The following XKR6 variants were observed in gnomAD, a reference collection of about 807,000 sequenced individuals.
XKR6 encodes XK related 6.
A neutral mutation model predicts 56.7 loss-of-function variants in XKR6; 22 were observed. The ratio of observed to expected loss-of-function variants is 0.39; its 90% CI spans 0.28 to 0.55. The LOEUF is 0.55. Among genes scored for constraint, XKR6 ranks in the 20% least tolerant of loss-of-function variants. The pLI, the probability that XKR6 is intolerant of heterozygous loss-of-function variation, is 0.66. For missense variants in XKR6, 852 were observed against 889.0 expected, an observed-to-expected ratio of 0.96 and a Z score of 0.53; for synonymous variants, 524 against 387.8, an observed-to-expected ratio of 1.35 and a Z score of -4.13.
intron 1 of XKR6, among the ~76,000 whole-genome samples, chr8:11,181,949 C>T (rs997632485): frequency 5.3e-5 from 8 of 152,114 alleles, no homozygotes; most frequent in Non-Finnish European, 1.2e-4. Context: ...GCCTTCCAGG[C>T]TCAAGCCACA....
intron 1 of XKR6, among the ~76,000 whole-genome samples, chr8:10,940,324 A>G (rs1330776203): frequency 6.6e-6 from 1 of 152,158 alleles, no homozygotes; most frequent in African/African-American, 2.4e-5. Context: ...AACATTCGAG[A>G]ATGCCACATA....
intron 1 of XKR6, among the ~76,000 whole-genome samples, chr8:11,158,162 A>C (rs774759056): frequency 2.6e-5 from 4 of 152,356 alleles, no homozygotes; most frequent in Non-Finnish European, 4.4e-5. Context: ...GAGTGGGGAA[A>C]GGCAATAATC....
intron 1 of XKR6, among the ~76,000 whole-genome samples, chr8:10,931,520 T>C (rs964372778): frequency 6.6e-5 from 10 of 152,178 alleles, no homozygotes; most frequent in African/African-American, 2.4e-4. Flanking sequence ...GGATTTACTA[T>C]AAAGCTACAG....
At chr8:11,012,182 T>C (rs1798515194) in intron 1 of XKR6, among the ~76,000 whole-genome samples, 1 of 152,100 alleles carries the variant, frequency 6.6e-6, no homozygotes. Context: ...GTCATTCAGG[T>C]CACAGGACCC....
chr8:11,077,769 T>C (rs548572854), intron 1 of XKR6, among the ~76,000 whole-genome samples: 2 of 152,212 alleles, frequency 1.3e-5, no homozygotes, highest in East Asian at 3.9e-4. Flanking sequence ...CTGGGCACAG[T>C]TTCTGGTCCC....
intron 1 of XKR6, among the ~76,000 whole-genome samples, chr8:10,937,778 G>A (rs1197053778): frequency 5.3e-5 from 8 of 150,040 alleles, no homozygotes; most frequent in Non-Finnish European, 7.4e-5. Context: ...CCAGCTGCGT[G>A]CTGGGAGAAC....
rs1268126923 is a variant in XKR6, at chr8:11,074,366, T to G, written c.764+126210A>C. On this transcript the variant is annotated intron_variant, in intron 1 of 2. Coordinates refer to ENST00000416569, the MANE Select transcript of XKR6 (RefSeq NM_173683.4). Reference sequence around the variant, plus strand: ...GTCACTGTGGTAAGTGTTGAGTTAGTGACACTGACGATGCACCAGCAAGAT... The same window carrying G: ...GTCACTGTGGTAAGTGTTGAGTTAGGGACACTGACGATGCACCAGCAAGAT... 3.3e-5 allele frequency among the ~76,000 whole-genome samples: 5 copies of G among 152,172 alleles called. No homozygotes were observed. In the East Asian group the frequency reaches 7.7e-4, roughly 23 times the overall value.
chr8:11,067,554 G>T (rs1800012968), intron 1 of XKR6, among the ~76,000 whole-genome samples: 1 of 152,226 alleles, frequency 6.6e-6, no homozygotes, highest in Admixed American at 6.5e-5. Context: ...CTTAGACATG[G>T]GCCAAGCGAT....
At chr8:10,979,943 C>G (rs1797690018) in intron 1 of XKR6, among the ~76,000 whole-genome samples, 1 of 152,182 alleles carries the variant, frequency 6.6e-6, no homozygotes, top group Non-Finnish European at 1.5e-5. Flanking sequence ...AGTCAACAGG[C>G]AGGGAAGGTT....
chr8:10,920,533 T>C (rs553098575), intron 2 of XKR6, among the ~76,000 whole-genome samples: 1 of 152,252 alleles, frequency 6.6e-6, no homozygotes, highest in South Asian at 2.1e-4. Context: ...CCAACAGGTC[T>C]GTTCCAAGTC....
intron 1 of XKR6, among the ~76,000 whole-genome samples, chr8:11,160,911 C>CAAAAAAAAAAAAAAAAAAAAAAAAA (rs33931830): frequency 1.6e-5 from 1 of 63,784 alleles, no homozygotes; most frequent in African/African-American, 6.5e-5. Flanking sequence ...GACTCCGTCT[C>CAAAAAAAAAAAAAAAAAAAAAAAAA]AAAAAAAAAA....
intron 1 of XKR6, among the ~76,000 whole-genome samples, chr8:10,953,760 C>T (rs147598059): frequency 2.4e-3 from 368 of 152,250 alleles, no homozygotes; most frequent in African/African-American, 8.5e-3. Context: ...CCATCTAGTC[C>T]CAGAACATTT....
intron 1 of XKR6, among the ~76,000 whole-genome samples, chr8:11,185,010 G>T (rs1448501612): frequency 6.6e-6 from 1 of 152,192 alleles, no homozygotes; most frequent in Non-Finnish European, 1.5e-5. Flanking sequence ...ACTGTCTGGT[G>T]GTTTTTCTCT....
chr8:11,097,834 CA>C, intron 1 of XKR6, among the ~76,000 whole-genome samples: 1 of 140,158 alleles, frequency 7.1e-6, no homozygotes, highest in South Asian at 2.2e-4. Flanking sequence ...AAAAATTATA[CA>C]AATGTAAAGT....
At chr8:10,969,193 G>A (rs1350912611) in intron 1 of XKR6, among the ~76,000 whole-genome samples, 1 of 152,162 alleles carries the variant, frequency 6.6e-6, no homozygotes, top group Non-Finnish European at 1.5e-5. Flanking sequence ...CAGGGATCCT[G>A]AAGCAGGTGC....
intron 1 of XKR6, among the ~76,000 whole-genome samples, chr8:11,056,094 G>T (rs114590702): frequency 1.3e-5 from 2 of 152,152 alleles, no homozygotes; most frequent in African/African-American, 4.8e-5. Flanking sequence ...CGTGGACGAC[G>T]TCCCGACTCC....
intron 1 of XKR6, among the ~76,000 whole-genome samples, chr8:11,064,649 T>C (rs1333664478): frequency 1.3e-5 from 2 of 152,206 alleles, no homozygotes; most frequent in Admixed American, 6.5e-5. Context: ...GCATACTCTA[T>C]TCTTTCATTC....
At chr8:11,147,458 C>G (rs902809934) in intron 1 of XKR6, among the ~76,000 whole-genome samples, 3 of 151,588 alleles carry the variant, frequency 2.0e-5, no homozygotes, top group African/African-American at 7.3e-5. Flanking sequence ...GAGATCGAGA[C>G]AATCCTGGCC....
chr8:11,200,569 C>T lies in XKR6; in HGVS notation c.764+7G>A, dbSNP rs1424514353. 2 of 1,481,482 alleles carry T rather than the reference C, an allele frequency of 1.3e-6. No homozygotes were observed. The highest frequency in any genetic ancestry group is 1.4e-5 in the South Asian group (1 of 71,252). The allele number at this position is 1,481,482 out of a possible 1,614,324, so 91.8% of individuals were successfully genotyped here. On this transcript the variant is annotated splice_region_variant and intron_variant, in intron 1 of 2. Transcript: ENST00000416569. This position sits in a 1 kb window ranked among gnomAD's most constrained non-coding sequence, Gnocchi z 6.4. ...GCCGGCCCGCCCCCACCCCGCAGTGCTCTTACCTCCACACCTGCCCCATCT... is the reference window on the plus strand; with the variant it reads ...GCCGGCCCGCCCCCACCCCGCAGTGTTCTTACCTCCACACCTGCCCCATCT...
Sources: allele counts gnomAD v4.1 joint callset (sites outside exome capture counted in the v4.1 genomes callset), GRCh38; gene constraint gnomAD v4.1.1; non-coding constraint Gnocchi (gnomAD v3.1); transcripts MANE v1.5; gene names NCBI Gene and HGNC (gene_info 2026-07-23, HGNC 2026-07-21).